The following MTPAP variants were observed in gnomAD, a reference collection of about 807,000 sequenced individuals.
MTPAP encodes mitochondrial poly(A) polymerase.
A neutral mutation model predicts 48.7 loss-of-function variants in MTPAP; 23 were observed. That is an observed-to-expected ratio of 0.47 (90% CI 0.34 to 0.67). MTPAP has a LOEUF of 0.67. MTPAP is among the 30% of genes least tolerant of loss of function. The pLI is 0.01. For synonymous variants in MTPAP, 257 were observed against 254.1 expected (o/e 1.01, Z -0.11); for missense variants, 614 against 694.3 (o/e 0.88, Z 1.30).
Position 30,313,105 on chromosome 10 carries a change from A to G in MTPAP, c.*504T>C, listed in dbSNP as rs1477724532. ...ATTCATTGCCAACGTACTGTACATA[A>G]CTAAAAGTCATTTTAAATGTTTTCT... On this transcript the variant is annotated 3_prime_UTR_variant, in exon 9 of 9. Coordinates refer to ENST00000263063, the MANE Select transcript of MTPAP (RefSeq NM_018109.4). 5.8e-6 allele frequency: 1 copy of G among 173,384 alleles called. No homozygotes were observed. The highest frequency in any genetic ancestry group is 5.5e-5 in the Admixed American group (1 of 18,132). The allele number at this position is 173,384 out of a possible 1,614,324, so 10.7% of individuals were successfully genotyped here.
chr10:30,329,089 C>CA (rs199957158), intron 4 of MTPAP, among the ~76,000 whole-genome samples: 2,879 of 150,468 alleles, frequency 0.019, 74 homozygotes, highest in African/African-American at 0.065. Context: ...ACTAAAAATA[C>CA]AAAAAAAAAT....
intron 4 of MTPAP, among the ~76,000 whole-genome samples, chr10:30,332,065 G>C (rs906570460): frequency 2.0e-5 from 3 of 152,196 alleles, no homozygotes; most frequent in African/African-American, 7.2e-5. Flanking sequence ...AGAAACAAAA[G>C]GTAAGAGAAG....
rs267606900 is a variant in MTPAP, at chr10:30,313,926, T to A, written c.1432A>T (p.Asn478Tyr). Residue 478 changes from asparagine (N) to tyrosine (Y), a missense_variant, in exon 9 of 9, where the codon AAT becomes TAT. This residue lies in a region of MTPAP where 261 missense variants were observed against 355.4 expected (regional missense o/e 0.73). Transcript: ENST00000263063. ...KPDSSPLYIQ[N>Y]PFETSLNISK... is the part of the protein sequence containing the mutation. ...ATGTTGAGAGAAGTTTCAAATGGAT[T>A]CTGAATGTACAGAGGAGAAGAATCA... is the stretch of plus-strand genomic sequence containing the variant. 3 of 1,614,048 alleles carry A rather than the reference T, an allele frequency of 1.9e-6. No homozygotes were observed. The highest frequency in any genetic ancestry group is 2.5e-6 in the Non-Finnish European group (3 of 1,179,872).
At chr10:30,342,715 A>G (rs1165450801) in intron 1 of MTPAP, among the ~76,000 whole-genome samples, 1 of 152,218 alleles carries the variant, frequency 6.6e-6, no homozygotes, top group East Asian at 1.9e-4. Context: ...ATAAGCTATT[A>G]AGGCATTTTT....
At chr10:30,317,422 T>G (rs922848258) in intron 6 of MTPAP, among the ~76,000 whole-genome samples, 14 of 152,238 alleles carry the variant, frequency 9.2e-5, no homozygotes, top group African/African-American at 2.9e-4. Context: ...ATTCAGTAAT[T>G]CAGCAAAACA....
rs1222481979 is a variant in MTPAP at position 30,310,179 on chromosome 10, T to A, written c.*3430A>T. ...ATGACAAATAATTGCTAGTTATCAC[T>A]ATCACGTAATAAAAATATTTTAAAA... On this transcript the variant is annotated 3_prime_UTR_variant, in exon 9 of 9. Transcript: ENST00000263063. The A allele has an allele frequency of 6.6e-6, 1 of 152,228 alleles. No homozygotes were observed. Among genetic ancestry groups the A allele is most frequent in the Non-Finnish European group, 1.5e-5 (1 of 68,036 alleles). The allele number at this position is 152,228 out of a possible 1,614,324, so 9.4% of individuals were successfully genotyped here. A position where few individuals can be genotyped will look rare whatever the true frequency, so the allele number is the denominator to read the frequency against.
chr10:30,323,467 A>G (rs1392043433), intron 5 of MTPAP, among the ~76,000 whole-genome samples: 1 of 151,492 alleles, frequency 6.6e-6, no homozygotes, highest in Non-Finnish European at 1.5e-5. Flanking sequence ...AAAAAAAAAA[A>G]AAAAAAGAAA....
chr10:30,313,929 G>C lies in MTPAP; in HGVS notation c.1429C>G (p.Gln477Glu), dbSNP rs563413387. The C allele has an allele frequency of 1.2e-6, 2 of 1,613,868 alleles. No individual in the cohort carries two copies. The highest frequency in any genetic ancestry group is 2.7e-5 in the African/African-American group (2 of 75,036). Residue 477 changes from glutamine (Q) to glutamate (E), a missense_variant, in exon 9 of 9, where the codon CAG becomes GAG. Physicochemically the swap from Gln to Glu is conservative, Grantham distance 29. Transcript: ENST00000263063. ...TTGAGAGAAGTTTCAAATGGATTCT[G>C]AATGTACAGAGGAGAAGAATCAGGT... Reference protein sequence around the residue: ...NKPDSSPLYIQNPFETSLNIS... With the variant: ...NKPDSSPLYIENPFETSLNIS...
At chr10:30,320,421 A>C (rs987695819) in intron 6 of MTPAP, among the ~76,000 whole-genome samples, 11 of 152,182 alleles carry the variant, frequency 7.2e-5, no homozygotes, top group Non-Finnish European at 1.6e-4. Flanking sequence ...GCTATTCAGG[A>C]GGCTGAAGTG....
chr10:30,327,544 T>A lies in MTPAP; in HGVS notation c.781-909A>T, dbSNP rs554535112. On this transcript the variant is annotated intron_variant, in intron 4 of 8. Coordinates refer to ENST00000263063, the MANE Select transcript of MTPAP (RefSeq NM_018109.4). ...TAAATAAATAAATAAATAAATAAAT[T>A]ACTAAAACTCAAGTAAATTCCCTGA... is the stretch of plus-strand genomic sequence containing the variant. 3.0e-4 allele frequency among the ~76,000 whole-genome samples: 41 copies of A among 136,340 alleles called. 1 individual carries two copies. The highest frequency in any genetic ancestry group is 9.8e-4 in the African/African-American group (35 of 35,812). The allele number at this position is 136,340 out of a possible 152,430, so 89.4% of individuals were successfully genotyped here. A position where few individuals can be genotyped will look rare whatever the true frequency, so the allele number is the denominator to read the frequency against.
At position 30,341,519 on chromosome 10, in the gene MTPAP, T is replaced by C; in HGVS notation, c.279A>G (p.Lys93=). ...PEKISENKFL[K]YLSQFGPINN... is the part of the protein sequence containing the mutation. ...TAATAGGTCCAAATTGGGATAAATATTTAAGAAACTTGTTTTCACTGATTT... is the reference window on the plus strand; with the variant it reads ...TAATAGGTCCAAATTGGGATAAATACTTAAGAAACTTGTTTTCACTGATTT... The change falls in exon 2 of 9, where the codon AAA becomes AAG. Residue 93 remains lysine (K), a synonymous_variant. Transcript: ENST00000263063. 1 of 1,613,962 alleles carries C rather than the reference T, an allele frequency of 6.2e-7. No homozygotes were observed. The highest frequency in any genetic ancestry group is 8.5e-7 in the Non-Finnish European group (1 of 1,179,894).
chr10:30,333,706 G>A (rs1305152922), intron 4 of MTPAP, among the ~76,000 whole-genome samples: 1 of 152,110 alleles, frequency 6.6e-6, no homozygotes, highest in African/African-American at 2.4e-5. Context: ...CCTGAACTCA[G>A]GAGTTCGAGA....
chr10:30,314,912 A>C (rs1840643558), intron 8 of MTPAP, among the ~76,000 whole-genome samples: 1 of 150,466 alleles, frequency 6.6e-6, no homozygotes, highest in African/African-American at 2.4e-5. Context: ...AAAAGAAGAG[A>C]AAAGAAAAAG....
chr10:30,335,959 G>A (rs1333801130), intron 4 of MTPAP, among the ~76,000 whole-genome samples: 2 of 152,062 alleles, frequency 1.3e-5, no homozygotes, highest in Admixed American at 6.5e-5. Flanking sequence ...GCAGTGAGCC[G>A]AGATTGCACC....
intron 6 of MTPAP, among the ~76,000 whole-genome samples, chr10:30,319,111 G>A (rs1840693666): frequency 6.6e-6 from 1 of 152,056 alleles, no homozygotes; most frequent in Admixed American, 6.6e-5. Context: ...AAAGCATGGA[G>A]CAATGAAAAA....
At chr10:30,314,735 T>G (rs525113) in intron 8 of MTPAP, among the ~76,000 whole-genome samples, 139,452 of 151,984 alleles carry the variant, frequency 0.92, 63,987 homozygotes, top group Admixed American at 0.95. Flanking sequence ...AGCCAGGTGT[T>G]GTGGCGCATG....
intron 4 of MTPAP, among the ~76,000 whole-genome samples, chr10:30,331,053 G>A (rs1834660070): frequency 6.6e-6 from 1 of 152,144 alleles, no homozygotes. Flanking sequence ...AAAAATGCAA[G>A]CCACGAAGAA....
chr10:30,348,902 G>T, intron 1 of MTPAP: 1 of 635,280 alleles, frequency 1.6e-6, no homozygotes, highest in Non-Finnish European at 2.7e-6. Flanking sequence ...GTACACAGGA[G>T]TCGCCCCAAA....
chr10:30,347,875 A>G (rs1473234505), intron 1 of MTPAP, among the ~76,000 whole-genome samples: 2 of 150,074 alleles, frequency 1.3e-5, no homozygotes, highest in Non-Finnish European at 3.0e-5. Flanking sequence ...TGGGTGACAG[A>G]GCAAGACTTC....
Sources: gnomAD v4.1 joint callset for allele counts (sites outside exome capture counted in the v4.1 genomes callset) on GRCh38, gnomAD v4.1.1 for gene constraint, gnomAD v4.1.1 regional missense constraint, MANE v1.5 for transcripts, NCBI Gene and HGNC (gene_info 2026-07-23, HGNC 2026-07-21) for gene names.